Variants in CDK13 observed in about 807,000 individuals in gnomAD.
The protein encoded by CDK13 is cyclin-dependent kinase 13.
CDK13 carries 40 observed loss-of-function variants against 137.6 expected under a neutral mutation model. The observed-to-expected ratio is 0.29, with a 90% CI of 0.23 to 0.38. The LOEUF (loss-of-function observed/expected upper bound fraction) is 0.38. CDK13 is among the 10% of genes least tolerant of loss of function. The pLI is 1.00. For missense variants in CDK13, 1,704 were observed against 1,951.8 expected (o/e 0.87, Z 2.39); for synonymous variants, 869 against 760.1 (o/e 1.14, Z -2.36).
At chr7:39,986,008 C>T (rs947329300) in intron 1 of CDK13, 3 of 152,130 alleles carry the variant, frequency 2.0e-5, no homozygotes, top group African/African-American at 4.8e-5. Context: ...GGCAGAACAG[C>T]CCTGGAACTC....
chr7:40,044,617 CTG>C (rs1308814389), intron 5 of CDK13, among the ~76,000 whole-genome samples: 1 of 151,596 alleles, frequency 6.6e-6, no homozygotes, highest in Non-Finnish European at 1.5e-5. Flanking sequence ...CAGCGCCCGG[CTG>C]TCTTTTGCTT....
In CDK13 at chr7:40,099,540, C is replaced by T. The variant is rs981848393; in HGVS notation, c.*4560C>T. ...TTGTTTTTTACCATTTTTTTAAGGC[C>T]GTATTCAATAGTCTGTAAATAAATT... On this transcript the variant is annotated 3_prime_UTR_variant, in exon 14 of 14. Transcript: ENST00000181839. 4 of 151,774 alleles carry T rather than the reference C, an allele frequency of 2.6e-5. No homozygotes were observed. The highest frequency in any genetic ancestry group is 4.4e-5 in the Non-Finnish European group (3 of 67,964). 9.4% of individuals were successfully genotyped at this position (151,774 alleles called of 1,614,324 possible). A position where few individuals can be genotyped will look rare whatever the true frequency, so the allele number is the denominator to read the frequency against.
chr7:39,950,742 C>G lies in CDK13; in HGVS notation c.101C>G (p.Pro34Arg). ...CGCAAGCGGAGGCGATTCCTGTCCC[C>G]TCAGCAGCCGCCGCTGCTGTTGCCG... is the stretch of plus-strand genomic sequence containing the variant. The part of the protein sequence containing the change: ...ERRKRRRFLS[P>R]QQPPLLLPLL... The change falls in exon 1 of 14, where the codon CCT (proline) becomes CGT (arginine). Residue 34 changes from proline to arginine, a missense_variant. Pro to Arg is a moderately radical substitution (Grantham distance 103). This residue lies in a region of CDK13 where 1,051 missense variants were observed against 931.0 expected (regional missense o/e 1.13). Coordinates refer to ENST00000181839, the MANE Select transcript of CDK13 (RefSeq NM_003718.5). 6.8e-7 allele frequency: 1 copy of G among 1,473,246 alleles called. No homozygotes were observed. The highest frequency in any genetic ancestry group is 2.5e-5 in the Admixed American group (1 of 39,988). The allele number at this position is 1,473,246 out of a possible 1,614,324, so 91.3% of individuals were successfully genotyped here. A position where few individuals can be genotyped will look rare whatever the true frequency, so the allele number is the denominator to read the frequency against.
chr7:40,041,832 A>G (rs1031654368), intron 5 of CDK13, among the ~76,000 whole-genome samples: 7 of 152,146 alleles, frequency 4.6e-5, no homozygotes, highest in Admixed American at 3.9e-4. Flanking sequence ...CTTTTTTGAC[A>G]TATTGTTTTG....
At chr7:39,990,480 C>T (rs939148727) in intron 2 of CDK13, among the ~76,000 whole-genome samples, 1 of 152,008 alleles carries the variant, frequency 6.6e-6, no homozygotes, top group Non-Finnish European at 1.5e-5. Context: ...TATTGTTTTA[C>T]TTTTTATAAA....
intron 3 of CDK13, 166 bp downstream of exon 3, chr7:39,997,830 AT>A: frequency 1.8e-6 from 1 of 558,868 alleles, no homozygotes; most frequent in South Asian, 2.4e-5. Context: ...AATTGCTTGC[AT>A]TCCTATTCAC....
chr7:39,955,393 ATGGATTTTGGTTACAATATGAAGG>A (rs1787377166), intron 1 of CDK13, among the ~76,000 whole-genome samples: 1 of 152,158 alleles, frequency 6.6e-6, no homozygotes, highest in South Asian at 2.1e-4. Context: ...ATTAAAGAGC[ATGGATTTTGGTTACAATATGAAGG>A]TGGATTTTGG....
intron 1 of CDK13, among the ~76,000 whole-genome samples, chr7:39,971,537 A>C (rs1052686929): frequency 1.3e-5 from 2 of 151,500 alleles, no homozygotes; most frequent in Non-Finnish European, 2.9e-5. Context: ...AACAAAAAAC[A>C]AAAAAAACAC....
intron 5 of CDK13, among the ~76,000 whole-genome samples, chr7:40,039,282 A>T (rs545416768): frequency 6.6e-6 from 1 of 151,212 alleles, no homozygotes; most frequent in Non-Finnish European, 1.5e-5. Context: ...AGAGAGAGAG[A>T]GAGTGTCTTG....
At chr7:40,087,546 G>GT (rs35686770) in intron 11 of CDK13, among the ~76,000 whole-genome samples, 24,709 of 111,962 alleles carry the variant, frequency 0.22, 3,618 homozygotes, top group African/African-American at 0.27. Flanking sequence ...CAATAGTGGT[G>GT]TTTTTTTTTT....
intron 7 of CDK13, chr7:40,061,085 G>GT (rs996702985): frequency 3.4e-5 from 5 of 148,930 alleles, no homozygotes; most frequent in Non-Finnish European, 4.4e-5. Context: ...AAAAAAGGGC[G>GT]GGGGGGCTAA....
At chr7:40,087,147 G>A (rs1172669548) in intron 11 of CDK13, among the ~76,000 whole-genome samples, 1 of 151,864 alleles carries the variant, frequency 6.6e-6, no homozygotes, top group African/African-American at 2.4e-5. Flanking sequence ...CAAATGGCAT[G>A]TTTTTCTTTT....
At chr7:40,060,467 T>C (rs1266718044) in intron 7 of CDK13, among the ~76,000 whole-genome samples, 1 of 152,174 alleles carries the variant, frequency 6.6e-6, no homozygotes, top group Non-Finnish European at 1.5e-5. Flanking sequence ...CAAATTTTGT[T>C]CTTCCACCCA....
In CDK13 at chr7:40,096,274, C is replaced by G. The variant is rs1288033644; in HGVS notation, c.*1294C>G. ...GCAATGAGAGAGAACTTTTATCTTC[C>G]TTCCTGTCACATTCTGTAAAGTTGA... is the stretch of plus-strand genomic sequence containing the variant. On this transcript the variant is annotated 3_prime_UTR_variant, in exon 14 of 14. Transcript: ENST00000181839. 6.6e-6 allele frequency: 1 copy of G among 152,188 alleles called. No homozygotes were observed. Among genetic ancestry groups the G allele is most frequent in the African/African-American group, 2.4e-5 (1 of 41,538 alleles). 9.4% of individuals were successfully genotyped at this position (152,188 alleles called of 1,614,324 possible).
At chr7:39,978,668 A>T (rs1175264834) in intron 1 of CDK13, among the ~76,000 whole-genome samples, 1 of 152,220 alleles carries the variant, frequency 6.6e-6, no homozygotes, top group African/African-American at 2.4e-5. Context: ...AGCATAGTGC[A>T]TCTCAGACTT....
intron 1 of CDK13, among the ~76,000 whole-genome samples, chr7:39,976,979 A>G (rs1784125718): frequency 6.6e-6 from 1 of 152,230 alleles, no homozygotes. Context: ...AGTCTGATAG[A>G]CAATGTGGTT....
intron 5 of CDK13, among the ~76,000 whole-genome samples, chr7:40,014,591 A>G (rs1291093324): frequency 2.0e-5 from 3 of 151,478 alleles, no homozygotes; most frequent in Admixed American, 6.6e-5. Context: ...AGGAGCTGGG[A>G]TGACAGGCAC....
In CDK13 at chr7:39,951,833, C is replaced by A; in HGVS notation, c.1192C>A (p.Pro398Thr). 7.0e-7 allele frequency: 1 copy of A among 1,434,466 alleles called. No individual in the cohort carries two copies. The highest frequency in any genetic ancestry group is 1.5e-5 in the South Asian group (1 of 64,840). 88.9% of individuals were successfully genotyped at this position (1,434,466 alleles called of 1,614,324 possible). A position where few individuals can be genotyped will look rare whatever the true frequency, so the allele number is the denominator to read the frequency against. Residue 398 changes from proline to threonine, a missense_variant, in exon 1 of 14, where the codon CCC becomes ACC. By Grantham distance (38) the Pro-to-Thr change is conservative. Transcript: ENST00000181839. ...CAGCAGCTGGCGCCGCTCTCGCAGTCCCTACAGCCCTGTGCTCAGGTGAGT... is the reference window on the plus strand; with the variant it reads ...CAGCAGCTGGCGCCGCTCTCGCAGTACCTACAGCCCTGTGCTCAGGTGAGT... ...SSSSWRRSRSPYSPVLRRSGK... is the reference protein window; with the variant it reads ...SSSSWRRSRSTYSPVLRRSGK...
At chr7:39,965,010 C>A (rs947273588) in intron 1 of CDK13, among the ~76,000 whole-genome samples, 1 of 152,044 alleles carries the variant, frequency 6.6e-6, no homozygotes, top group East Asian at 1.9e-4. Context: ...AATTTCTGTT[C>A]TTTTACATTT....
Sources: gnomAD v4.1 joint callset for allele counts (sites outside exome capture counted in the v4.1 genomes callset) on GRCh38, gnomAD v4.1.1 for gene constraint, gnomAD v4.1.1 regional missense constraint, MANE v1.5 for transcripts, NCBI Gene and HGNC (gene_info 2026-07-23, HGNC 2026-07-21) for gene names.